ITGA4: variants seen among roughly 807,000 people sequenced by gnomAD.
The protein encoded by ITGA4 is integrin alpha-4.
ITGA4 carries 63 observed loss-of-function variants against 133.6 expected under a neutral mutation model. That is an observed-to-expected ratio of 0.47 (90% confidence interval 0.38 to 0.58). ITGA4 has a LOEUF of 0.58. ITGA4 is among the 20% of genes least tolerant of loss of function. The probability of loss-of-function intolerance (pLI) is 0.00; values close to 1 mark genes in which losing one functional copy is unlikely to be tolerated. For synonymous variants in ITGA4, 483 were observed against 438.0 expected (o/e 1.10, Z -1.28); for missense variants, 1,076 against 1,252.7 (o/e 0.86, Z 2.13).
chr2:181,501,526 T>C (rs1228681827), intron 15 of ITGA4, among the ~76,000 whole-genome samples: 1 of 152,116 alleles, frequency 6.6e-6, no homozygotes, highest in African/African-American at 2.4e-5. Flanking sequence ...GAGATCAAGA[T>C]TCGACACATG....
intron 17 of ITGA4, among the ~76,000 whole-genome samples, chr2:181,520,411 G>A (rs893744889): frequency 2.6e-5 from 4 of 151,974 alleles, no homozygotes; most frequent in Non-Finnish European, 5.9e-5. Flanking sequence ...GGGCCTCTGT[G>A]TCATGCTAAG....
chr2:181,524,231 A>G lies in ITGA4; in HGVS notation c.2230A>G (p.Ile744Val), dbSNP rs769132631. The stretch of plus-strand genomic sequence containing the variant: ...CAGCAGAGCGGAAGAGGACCTCAGT[A>G]TCACAGTGCATGCTACCTGGTATAA... ...SLSRAEEDLS[I>V]TVHATCENEE... is the part of the protein sequence containing the mutation. The change falls in exon 20 of 28, where the codon ATC (isoleucine) becomes GTC (valine). Residue 744 changes from isoleucine to valine, a missense_variant. Physicochemically the swap from Ile to Val is conservative, Grantham distance 29. Coordinates refer to ENST00000397033, the MANE Select transcript of ITGA4 (RefSeq NM_000885.6). 1 of 1,585,590 alleles carries G rather than the reference A, an allele frequency of 6.3e-7. No individual in the cohort carries two copies. Among genetic ancestry groups the G allele is most frequent in the East Asian group, 2.3e-5 (1 of 43,654 alleles).
intron 2 of ITGA4, among the ~76,000 whole-genome samples, chr2:181,465,308 G>T (rs1470673447): frequency 6.6e-6 from 1 of 152,062 alleles, no homozygotes; most frequent in Non-Finnish European, 1.5e-5. Context: ...ATCTCATTCT[G>T]ATCCTCTATT....
Position 181,535,605 on chromosome 2 carries a change from A to G in ITGA4, c.*78A>G, listed in dbSNP as rs201783763. 103 of 1,490,422 alleles carry G rather than the reference A, an allele frequency of 6.9e-5. No individual in the cohort carries two copies. Among genetic ancestry groups the G allele is most frequent in the Middle Eastern group, 3.8e-4 (2 of 5,330 alleles). 92.3% of individuals were successfully genotyped at this position (1,490,422 alleles called of 1,614,324 possible). ...AATTTAAAAGACACTGTTTACAAGA[A>G]AAAATGAATTTTGTTTGGACTTCTT... On this transcript the variant is annotated 3_prime_UTR_variant, in exon 28 of 28. Coordinates refer to ENST00000397033, the MANE Select transcript of ITGA4 (RefSeq NM_000885.6).
intron 15 of ITGA4, among the ~76,000 whole-genome samples, chr2:181,505,968 C>CGATA (rs987425663): frequency 8.2e-4 from 124 of 152,092 alleles, no homozygotes; most frequent in African/African-American, 2.9e-3. Flanking sequence ...TTTCACAAGT[C>CGATA]GATAACTTGG....
intron 11 of ITGA4, among the ~76,000 whole-genome samples, chr2:181,493,728 A>T (rs16867433): frequency 0.11 from 17,355 of 152,194 alleles, 1,293 homozygotes; most frequent in East Asian, 0.22. Context: ...AAATATGCCC[A>T]TTTGGATTTG....
Position 181,457,541 on chromosome 2 carries a change from C to T in ITGA4, c.-114C>T, listed in dbSNP as rs200400530. 3.6e-5 allele frequency: 35 copies of T among 971,332 alleles called. No homozygotes were observed. The highest frequency in any genetic ancestry group is 7.5e-6 in the Non-Finnish European group (5 of 666,466). 60.2% of individuals were successfully genotyped at this position (971,332 alleles called of 1,614,324 possible). On this transcript the variant is annotated 5_prime_UTR_variant, in exon 1 of 28. Coordinates refer to ENST00000397033, the MANE Select transcript of ITGA4 (RefSeq NM_000885.6). ...TCTCCTTCCTTTAGCCCGCTGGCGC[C>T]GGACACGCTGCGCCTCATCTCTTGG...
In ITGA4 at chr2:181,523,195, T is replaced by C. The variant is rs1161820327; in HGVS notation, c.2074-242T>C. 3 of 313,044 alleles carry C rather than the reference T, an allele frequency of 9.6e-6. No homozygotes were observed. The highest frequency in any genetic ancestry group is 1.8e-5 in the Non-Finnish European group (3 of 162,352). 19.4% of individuals were successfully genotyped at this position (313,044 alleles called of 1,614,324 possible). A position where few individuals can be genotyped will look rare whatever the true frequency, so the allele number is the denominator to read the frequency against. On this transcript the variant is annotated intron_variant, in intron 18 of 27. Coordinates refer to ENST00000397033, the MANE Select transcript of ITGA4 (RefSeq NM_000885.6). The surrounding 1 kb of genome is among the most constrained non-coding windows in gnomAD (Gnocchi z 4.2). Reference sequence around the variant, plus strand: ...ACACACACACATACACATACACATATATATACACACACATATATACACACA... The same window carrying C: ...ACACACACACATACACATACACATACATATACACACACATATATACACACA...
chr2:181,521,221 T>C (rs992135102), intron 17 of ITGA4, among the ~76,000 whole-genome samples: 1 of 152,100 alleles, frequency 6.6e-6, no homozygotes, highest in Non-Finnish European at 1.5e-5. Context: ...AGGGGAAAGT[T>C]TATAAAATGA....
rs1488521854 is a variant in ITGA4, at chr2:181,535,611, G to A, written c.*84G>A. 6 of 1,476,938 alleles carry A rather than the reference G, an allele frequency of 4.1e-6. No homozygotes were observed. The African/African-American group carries it at 7.0e-5, about 17-fold the overall frequency. The allele number at this position is 1,476,938 out of a possible 1,614,324, so 91.5% of individuals were successfully genotyped here. ...AAAGACACTGTTTACAAGAAAAAATGAATTTTGTTTGGACTTCTTTTACTC... is the reference window on the plus strand; with the variant it reads ...AAAGACACTGTTTACAAGAAAAAATAAATTTTGTTTGGACTTCTTTTACTC... On this transcript the variant is annotated 3_prime_UTR_variant, in exon 28 of 28. Transcript: ENST00000397033.
intron 26 of ITGA4, 118 bp downstream of exon 26, chr2:181,534,488 G>A (rs1687013279): frequency 2.7e-5 from 19 of 695,702 alleles, no homozygotes; most frequent in Middle Eastern, 2.7e-4. Context: ...CCAGCTCATG[G>A]AGGGCCCCCA....
chr2:181,486,777 AGT>A (rs1685929740), intron 10 of ITGA4, among the ~76,000 whole-genome samples: 3 of 152,132 alleles, frequency 2.0e-5, no homozygotes, highest in Non-Finnish European at 2.9e-5. Context: ...TTAAGAGGAG[AGT>A]GTGCAGTTTC....
At position 181,532,203 on chromosome 2, in the gene ITGA4, CTT is replaced by C. The variant is rs1179820473; in HGVS notation, c.2784+429_2784+430del. 5.9e-5 allele frequency among the ~76,000 whole-genome samples: 9 copies of C among 152,278 alleles called. No individual in the cohort carries two copies. The South Asian group carries it at 1.9e-3, about 32-fold the overall frequency. On this transcript the variant is annotated intron_variant, in intron 25 of 27. Coordinates refer to ENST00000397033, the MANE Select transcript of ITGA4 (RefSeq NM_000885.6). Reference sequence around the variant, plus strand: ...AAGTCGGGTAGCCTGATGCCTCCAGCTTTCTTTTTGCTTAGGATTGTCTTGAC... The same window carrying C: ...AAGTCGGGTAGCCTGATGCCTCCAGCTCTTTTTGCTTAGGATTGTCTTGAC...
Position 181,489,418 on chromosome 2 carries a change from A to T in ITGA4, c.1153+3426A>T, listed in dbSNP as rs1263693051. Among the ~76,000 whole-genome samples the T allele has an allele frequency of 2.0e-5, 3 of 152,198 alleles. No individual in the cohort carries two copies. In the East Asian group the frequency reaches 5.8e-4, roughly 29 times the overall value. On this transcript the variant is annotated intron_variant, in intron 10 of 27. Transcript: ENST00000397033. ...AAAAATCGGTCAGACAGACTAATGT[A>T]CCTGACATGACCAACAGCAGATCAC... is the stretch of plus-strand genomic sequence containing the variant.
chr2:181,537,230 G>T lies in ITGA4; in HGVS notation c.*1703G>T, dbSNP rs11553356. The stretch of plus-strand genomic sequence containing the variant: ...GATTTAGAACTGTCTTCTCCAGGAT[G>T]GTCTCTAAGGAAATTTACATTTGGT... On this transcript the variant is annotated 3_prime_UTR_variant, in exon 28 of 28. Transcript: ENST00000397033. 0.13 allele frequency: 58,159 copies of T among 452,766 alleles called. 4,653 individuals are homozygous for T. The highest frequency in any genetic ancestry group is 0.22 in the African/African-American group (10,981 of 49,916). 28.0% of individuals were successfully genotyped at this position (452,766 alleles called of 1,614,324 possible).
intron 15 of ITGA4, chr2:181,498,992 A>T (rs951602727): frequency 7.5e-6 from 4 of 532,540 alleles, no homozygotes; most frequent in African/African-American, 2.1e-5. Context: ...CATTTATCAC[A>T]TTTGACCTCA....
At chr2:181,469,853 G>A (rs900716567) in intron 2 of ITGA4, among the ~76,000 whole-genome samples, 13 of 151,998 alleles carry the variant, frequency 8.6e-5, no homozygotes, top group African/African-American at 3.1e-4. Flanking sequence ...CTCACAGGTA[G>A]GAATTGAACA....
Position 181,495,361 on chromosome 2 carries a change from T to A in ITGA4, c.1340-10T>A, listed in dbSNP as rs753570079. On this transcript the variant is annotated splice_polypyrimidine_tract_variant and intron_variant, in intron 12 of 27. Coordinates refer to ENST00000397033, the MANE Select transcript of ITGA4 (RefSeq NM_000885.6). The surrounding 1 kb of genome is among the most constrained non-coding windows in gnomAD (Gnocchi z 4.3). ...ATGATCATTAATCTGTGTTGTTTTT[T>A]ATCCTCCAGATGTAGCAGTTGGTGC... 1 of 1,605,770 alleles carries A rather than the reference T, an allele frequency of 6.2e-7. No individual in the cohort carries two copies. Among genetic ancestry groups the A allele is most frequent in the Admixed American group, 1.7e-5 (1 of 59,980 alleles).
Position 181,498,662 on chromosome 2 carries a change from CAG to C in ITGA4, c.1583_1584del (p.Glu528ValfsTer10), listed in dbSNP as rs1369207620. 6.2e-7 allele frequency: 1 copy of C among 1,610,770 alleles called. No individual in the cohort carries two copies. Among genetic ancestry groups the C allele is most frequent in the Non-Finnish European group, 8.5e-7 (1 of 1,177,660 alleles). On this transcript the variant is annotated frameshift_variant, in exon 15 of 28. Coordinates refer to ENST00000397033, the MANE Select transcript of ITGA4 (RefSeq NM_000885.6). LOFTEE classifies it high-confidence loss of function. ...ATGAGTTTGGATGTGAACAGAAAGG[CAG>C]AGTCTCCACCAAGATTCTATTTCTC...
Sources: gnomAD v4.1 joint callset for allele counts (sites outside exome capture counted in the v4.1 genomes callset) on GRCh38, gnomAD v4.1.1 for gene constraint, Gnocchi (gnomAD v3.1) non-coding constraint, MANE v1.5 for transcripts, NCBI Gene and HGNC (gene_info 2026-07-23, HGNC 2026-07-21) for gene names.